Variants in DEAF1 observed in about 807,000 individuals in gnomAD.
The protein encoded by DEAF1 is deformed epidermal autoregulatory factor 1 homolog.
A neutral mutation model predicts 58.9 loss-of-function variants in DEAF1; 53 were observed. The ratio of observed to expected loss-of-function variants is 0.90; its 90% CI spans 0.72 to 1.13. The LOEUF (loss-of-function observed/expected upper bound fraction) is 1.13. Among genes scored for constraint, DEAF1 ranks in the 50% most tolerant of loss-of-function variants. The pLI, the probability that DEAF1 is intolerant of heterozygous loss-of-function variation, is 0.00. For missense variants in DEAF1, 685 were observed against 791.4 expected (o/e 0.87, Z 1.61); for synonymous variants, 385 against 340.4 (o/e 1.13, Z -1.44).
intron 1 of DEAF1, chr11:703,132 C>G: frequency 6.2e-7 from 1 of 1,608,482 alleles, no homozygotes; most frequent in Non-Finnish European, 8.5e-7. Flanking sequence ...TGGTTGCCAT[C>G]GCGGCCTTCA....
At position 688,176 on chromosome 11, in the gene DEAF1, G is replaced by A; in HGVS notation, c.518-119C>T. 1.3e-6 allele frequency: 2 copies of A among 1,538,938 alleles called. No homozygotes were observed. The highest frequency in any genetic ancestry group is 1.8e-6 in the Non-Finnish European group (2 of 1,130,502). On this transcript the variant is annotated intron_variant, in intron 3 of 11. Transcript: ENST00000382409. The surrounding 1 kb of genome is among the most constrained non-coding windows in gnomAD (Gnocchi z 4.3). ...TCCTTCAACGGCGGAAAAACTTCTT[G>A]GTCAGGAAAATTCCAATGCTTTTAC...
chr11:679,501 G>A (rs1290519872), intron 8 of DEAF1, among the ~76,000 whole-genome samples, 187 bp downstream of exon 8: 2 of 152,078 alleles, frequency 1.3e-5, no homozygotes, highest in Non-Finnish European at 2.9e-5. Flanking sequence ...ACTGCCACAC[G>A]CCAACCCCAT....
At chr11:679,972 C>T in intron 7 of DEAF1, 156 bp from the exon 8 acceptor site, 1 of 1,072,602 alleles carries the variant, frequency 9.3e-7, no homozygotes, top group Non-Finnish European at 1.3e-6. Flanking sequence ...GGGGGAAATC[C>T]CAGACCTTGG....
chr11:649,493 G>A (rs1268702146), intron 11 of DEAF1, among the ~76,000 whole-genome samples: 7 of 151,902 alleles, frequency 4.6e-5, no homozygotes, highest in African/African-American at 1.7e-4. Flanking sequence ...GCCGAGGCGG[G>A]CGGATCACTT....
At chr11:683,154 G>A (rs1243254466) in intron 6 of DEAF1, among the ~76,000 whole-genome samples, 2 of 152,062 alleles carry the variant, frequency 1.3e-5, no homozygotes, top group African/African-American at 2.4e-5. Context: ...TATTTCTCTG[G>A]AGAGTTGGTC....
chr11:650,062 AAGT>A (rs1335481306), intron 11 of DEAF1, among the ~76,000 whole-genome samples: 1 of 150,072 alleles, frequency 6.7e-6, no homozygotes, highest in Non-Finnish European at 1.5e-5. Context: ...CAAAACAAAA[AAGT>A]AGATTAAACA....
rs1354021340 is a variant in DEAF1 at position 644,722 on chromosome 11, A to G, written c.1594-68T>C. 7.8e-7 allele frequency: 1 copy of G among 1,284,456 alleles called. No individual in the cohort carries two copies. Among genetic ancestry groups the G allele is most frequent in the African/African-American group, 1.5e-5 (1 of 68,148 alleles). 79.6% of individuals were successfully genotyped at this position (1,284,456 alleles called of 1,614,324 possible). A position where few individuals can be genotyped will look rare whatever the true frequency, so the allele number is the denominator to read the frequency against. ...GAGCAGGGTCTGGGCAGGGTCCCCAAGGCAGACCCCAGAGGGTGCAGCCCT... is the reference window on the plus strand; with the variant it reads ...GAGCAGGGTCTGGGCAGGGTCCCCAGGGCAGACCCCAGAGGGTGCAGCCCT... On this transcript the variant is annotated intron_variant, in intron 11 of 11. Transcript: ENST00000382409. This position sits in a 1 kb window ranked among gnomAD's most constrained non-coding sequence, Gnocchi z 4.3.
Position 681,089 on chromosome 11 carries a change from T to C in DEAF1, c.871A>G (p.Ser291Gly). The change falls in exon 7 of 12, where the codon AGT (serine) becomes GGT (glycine). Residue 291 changes from serine to glycine, a missense_variant and splice_region_variant. This residue lies in a region of DEAF1 where 343 missense variants were observed against 379.8 expected (regional missense o/e 0.90). Coordinates refer to ENST00000382409, the MANE Select transcript of DEAF1 (RefSeq NM_021008.4). ...CAACCDDMTLSGPVRLFVPYK... is the reference protein window; with the variant it reads ...CAACCDDMTLGGPVRLFVPYK... ...GGCACAAAAAGCCTGACTGGGCCAC[T>C]CTGGGGGAGAAAGGAGAGAGGCCAC... The C allele has an allele frequency of 6.2e-7, 1 of 1,613,998 alleles. No homozygotes were observed. Among genetic ancestry groups the C allele is most frequent in the Non-Finnish European group, 8.5e-7 (1 of 1,180,038 alleles).
intron 4 of DEAF1, 59 bp from the exon 5 acceptor site, chr11:687,056 C>T: frequency 3.1e-6 from 5 of 1,609,636 alleles, no homozygotes; most frequent in Non-Finnish European, 4.2e-6. Flanking sequence ...TCTGCCATTG[C>T]CTACCTCCTG....
intron 11 of DEAF1, among the ~76,000 whole-genome samples, chr11:651,718 C>G (rs1207641531): frequency 2.0e-5 from 3 of 152,130 alleles, no homozygotes; most frequent in Non-Finnish European, 4.4e-5. Context: ...AACCCTGTCT[C>G]TACTAAAAAT....
At chr11:686,143 A>T (rs933080922) in intron 5 of DEAF1, among the ~76,000 whole-genome samples, 8 of 149,356 alleles carry the variant, frequency 5.4e-5, no homozygotes, top group Non-Finnish European at 8.9e-5. Context: ...AAAAAAAAAA[A>T]AAGCCAGGTG....
chr11:705,865 C>T (rs866992628), intron 1 of DEAF1, among the ~76,000 whole-genome samples: 5 of 152,348 alleles, frequency 3.3e-5, no homozygotes, highest in Middle Eastern at 3.4e-3. Context: ...CGCAGCTAGG[C>T]CCTGCCCAAG....
chr11:686,312 A>G (rs982731449), intron 5 of DEAF1, among the ~76,000 whole-genome samples: 1 of 141,108 alleles, frequency 7.1e-6, no homozygotes, highest in African/African-American at 2.6e-5. Context: ...AAAAAAAACC[A>G]CAAAAACAGT....
intron 11 of DEAF1, among the ~76,000 whole-genome samples, chr11:645,772 C>T (rs540024255): frequency 6.6e-6 from 1 of 152,310 alleles, no homozygotes; most frequent in South Asian, 2.1e-4. Context: ...CGTCGAGCAC[C>T]TCGGAATGGA....
At chr11:705,942 C>T (rs1442879543) in intron 1 of DEAF1, among the ~76,000 whole-genome samples, 1 of 152,214 alleles carries the variant, frequency 6.6e-6, no homozygotes, top group African/African-American at 2.4e-5. Flanking sequence ...GTCCCCAGCG[C>T]CCCAGCTCTA....
rs566282309 is a variant in DEAF1 at position 645,211 on chromosome 11, A to G, written c.1594-557T>C. ...CAACAAACCAGGGTAAGACTCTCCAAACCAGTTGTTTTGTGTTAGGGATGT... is the reference window on the plus strand; with the variant it reads ...CAACAAACCAGGGTAAGACTCTCCAGACCAGTTGTTTTGTGTTAGGGATGT... On this transcript the variant is annotated intron_variant, in intron 11 of 11. Transcript: ENST00000382409. Among the ~76,000 whole-genome samples the G allele has an allele frequency of 3.0e-4, 45 of 152,222 alleles. No individual in the cohort carries two copies. The South Asian group carries it at 9.3e-3, about 32-fold the overall frequency.
intron 11 of DEAF1, among the ~76,000 whole-genome samples, chr11:645,688 T>TG (rs1311219582): frequency 6.6e-6 from 1 of 151,666 alleles, no homozygotes. Flanking sequence ...AGAAAGGAGG[T>TG]GGGGGATGGT....
chr11:645,146 G>C (rs1257102510), intron 11 of DEAF1, among the ~76,000 whole-genome samples: 3 of 105,180 alleles, frequency 2.9e-5, no homozygotes, highest in Non-Finnish European at 5.3e-5. Flanking sequence ...CCGGGTGACA[G>C]AACAACTCCA....
chr11:699,009 G>A, upstream of DEAF1: 3 of 1,203,244 alleles, frequency 2.5e-6, no homozygotes, highest in South Asian at 1.2e-5. Context: ...ACTTTGGAGA[G>A]GGGGGTGTTC....
Sources: gnomAD v4.1 joint callset for allele counts (sites outside exome capture counted in the v4.1 genomes callset) on GRCh38, gnomAD v4.1.1 for gene constraint, gnomAD v4.1.1 regional missense constraint, Gnocchi (gnomAD v3.1) non-coding constraint, MANE v1.5 for transcripts, NCBI Gene and HGNC (gene_info 2026-07-23, HGNC 2026-07-21) for gene names.